Variants in CHN1 observed in about 807,000 individuals in gnomAD.
The protein encoded by CHN1 is N-chimaerin.
Under a neutral mutation model 59.5 loss-of-function variants are expected in CHN1, and 37 were observed. The observed-to-expected ratio is 0.62, with a 90% CI of 0.48 to 0.82. CHN1 has a LOEUF of 0.82. Among genes scored for constraint, CHN1 ranks in the 40% least tolerant of loss-of-function variants. CHN1 has a pLI of 0.00. For missense variants in CHN1, 469 were observed against 571.0 expected (o/e 0.82, Z 1.82); for synonymous variants, 206 against 200.4 (o/e 1.03, Z -0.24).
intron 1 of CHN1, among the ~76,000 whole-genome samples, chr2:174,958,121 G>A (rs1174612263): frequency 7.2e-6 from 1 of 138,650 alleles, no homozygotes; most frequent in Non-Finnish European, 1.5e-5. Context: ...ACCAAGGAAG[G>A]AAGGAAAGGG....
intron 6 of CHN1, among the ~76,000 whole-genome samples, chr2:174,863,321 A>G (rs1186312845): frequency 1.3e-5 from 2 of 152,164 alleles, no homozygotes; most frequent in African/African-American, 4.8e-5. Flanking sequence ...GGCTATTAAT[A>G]AGGTTTCAGA....
chr2:174,886,098 C>A (rs1347510233), intron 5 of CHN1, among the ~76,000 whole-genome samples: 1 of 152,156 alleles, frequency 6.6e-6, no homozygotes, highest in African/African-American at 2.4e-5. Flanking sequence ...TACAAAAGCA[C>A]AGAGTAAAAC....
chr2:175,000,696 G>A lies in CHN1; in HGVS notation c.19+4198C>T, dbSNP rs148152720. On this transcript the variant is annotated intron_variant, in intron 1 of 12. Transcript: ENST00000409900. ...TGACCTCAAATGATCCACCCACCTC[G>A]GCCTCCCAAAATGCTGGTATTACAG... 9.4e-3 allele frequency among the ~76,000 whole-genome samples: 1,432 copies of A among 152,030 alleles called. 24 individuals carry two copies. The highest frequency in any genetic ancestry group is 0.032 in the African/African-American group (1,344 of 41,452).
chr2:174,877,376 A>G (rs572040770), intron 6 of CHN1, among the ~76,000 whole-genome samples: 1 of 152,120 alleles, frequency 6.6e-6, no homozygotes, highest in Non-Finnish European at 1.5e-5. Flanking sequence ...ATGTGTGTGT[A>G]TACATACACA....
At chr2:174,821,793 A>G (rs371566951) in intron 8 of CHN1, 45 of 432,018 alleles carry the variant, frequency 1.0e-4, no homozygotes, top group African/African-American at 9.0e-4. Context: ...TGAGAAATAA[A>G]TTTCTGTTAT....
At chr2:174,829,177 C>T (rs1350094587) in intron 7 of CHN1, among the ~76,000 whole-genome samples, 1 of 152,198 alleles carries the variant, frequency 6.6e-6, no homozygotes, top group African/African-American at 2.4e-5. Flanking sequence ...TTGCTTTTAA[C>T]CTGTGAACAA....
Position 174,876,508 on chromosome 2 carries a change from T to C in CHN1, c.549+1332A>G, listed in dbSNP as rs1400918432. Among the ~76,000 whole-genome samples, 4 of 152,192 alleles carry C rather than the reference T, an allele frequency of 2.6e-5. No homozygotes were observed. The East Asian group carries it at 7.7e-4, about 29-fold the overall frequency. Reference sequence around the variant, plus strand: ...AAAGAATATTAAATACAGCAGGTATTAAGGATTTTAAGTTCTGGCTACTTC... The same window carrying C: ...AAAGAATATTAAATACAGCAGGTATCAAGGATTTTAAGTTCTGGCTACTTC... On this transcript the variant is annotated intron_variant, in intron 6 of 12. Coordinates refer to ENST00000409900, the MANE Select transcript of CHN1 (RefSeq NM_001822.7).
At chr2:174,949,092 T>C (rs973104026) in intron 2 of CHN1, among the ~76,000 whole-genome samples, 1 of 152,176 alleles carries the variant, frequency 6.6e-6, no homozygotes, top group African/African-American at 2.4e-5. Flanking sequence ...CTTTAAAATT[T>C]TTCCTACTAA....
chr2:174,880,979 G>A (rs1687715384), intron 5 of CHN1, among the ~76,000 whole-genome samples: 2 of 151,292 alleles, frequency 1.3e-5, no homozygotes, highest in Admixed American at 6.6e-5. Flanking sequence ...CTGGGAGGTG[G>A]AGGTTGTGGT....
chr2:174,970,689 A>T (rs1002505715), intron 1 of CHN1, among the ~76,000 whole-genome samples: 1 of 152,238 alleles, frequency 6.6e-6, no homozygotes, highest in Non-Finnish European at 1.5e-5. Flanking sequence ...AGTCAAATAC[A>T]AGATAGAACA....
chr2:174,893,924 T>C (rs1025131952), intron 5 of CHN1, among the ~76,000 whole-genome samples: 1 of 152,170 alleles, frequency 6.6e-6, no homozygotes, highest in Non-Finnish European at 1.5e-5. Flanking sequence ...GATATCTATA[T>C]GCAAAGGAAT....
At chr2:174,921,358 G>T (rs138929585) in intron 3 of CHN1, among the ~76,000 whole-genome samples, 1 of 152,100 alleles carries the variant, frequency 6.6e-6, no homozygotes, top group Non-Finnish European at 1.5e-5. Flanking sequence ...TCTCCGAGTG[G>T]AAAAACTAGT....
chr2:174,877,727 A>G, intron 6 of CHN1, 113 bp downstream of exon 6: 1 of 861,516 alleles, frequency 1.2e-6, no homozygotes, highest in Non-Finnish European at 1.7e-6. Flanking sequence ...CATTAAGAAA[A>G]ATGAATATAC....
intron 7 of CHN1, among the ~76,000 whole-genome samples, chr2:174,846,054 T>TCTAA (rs1016491235): frequency 6.6e-6 from 1 of 152,172 alleles, no homozygotes; most frequent in African/African-American, 2.4e-5. Flanking sequence ...CACAAAGTTG[T>TCTAA]CTAACTATTG....
intron 1 of CHN1, among the ~76,000 whole-genome samples, chr2:174,972,850 G>T (rs146425948): frequency 8.4e-4 from 128 of 152,208 alleles, no homozygotes; most frequent in African/African-American, 3.1e-3. Context: ...TAACCCCTTA[G>T]TATGCATAAT....
chr2:174,905,955 A>C (rs180966175), intron 5 of CHN1, among the ~76,000 whole-genome samples: 5 of 152,322 alleles, frequency 3.3e-5, no homozygotes, highest in Middle Eastern at 3.4e-3. Flanking sequence ...GTCTATATTC[A>C]AAGAGATATA....
intron 7 of CHN1, among the ~76,000 whole-genome samples, chr2:174,825,898 C>T (rs1359224321): frequency 6.6e-6 from 1 of 152,140 alleles, no homozygotes; most frequent in Admixed American, 6.5e-5. Flanking sequence ...TCATGACAAG[C>T]CATTGGTTGT....
intron 1 of CHN1, among the ~76,000 whole-genome samples, chr2:174,982,026 T>C (rs1296342004): frequency 6.6e-6 from 1 of 152,168 alleles, no homozygotes; most frequent in African/African-American, 2.4e-5. Flanking sequence ...AATTCCCACC[T>C]ATGAGTGAGA....
chr2:174,948,887 C>A (rs1282358779), intron 2 of CHN1, among the ~76,000 whole-genome samples: 1 of 152,152 alleles, frequency 6.6e-6, no homozygotes, highest in Non-Finnish European at 1.5e-5. Flanking sequence ...CACAGAGATG[C>A]TGAAGCATTA....
Sources: gnomAD v4.1 joint callset for allele counts (sites outside exome capture counted in the v4.1 genomes callset) on GRCh38, gnomAD v4.1.1 for gene constraint, MANE v1.5 for transcripts, NCBI Gene and HGNC (gene_info 2026-07-23, HGNC 2026-07-21) for gene names.